The following DOC2A variants were observed in gnomAD, a reference collection of about 807,000 sequenced individuals.
DOC2A encodes the protein double C2-like domain-containing protein alpha.
In DOC2A, 28 loss-of-function variants were observed where a neutral mutation model predicts 40.6. That is an observed-to-expected ratio of 0.69 (90% CI 0.51 to 0.95). The LOEUF is 0.95. Among genes scored for constraint, DOC2A ranks in the 40% least tolerant of loss-of-function variants. The pLI is 0.00. For missense variants in DOC2A, 474 were observed against 552.5 expected, an observed-to-expected ratio of 0.86 and a Z score of 1.42; for synonymous variants, 241 against 236.9, an observed-to-expected ratio of 1.02 and a Z score of -0.16.
At chr16:30,013,078 G>C (rs2070810757), upstream of DOC2A, among the ~76,000 whole-genome samples, 1 of 150,734 alleles carries the variant, frequency 6.6e-6, no homozygotes, top group African/African-American at 2.4e-5. Context: ...GTCTGGGCTG[G>C]GGGGAAGCTG....
In DOC2A at chr16:30,009,384, C is replaced by T. The variant is rs780869467; in HGVS notation, c.342+94G>A. On this transcript the variant is annotated intron_variant, in intron 3 of 10. Coordinates refer to ENST00000350119, the MANE Select transcript of DOC2A (RefSeq NM_003586.3). The surrounding 1 kb of genome is among the most constrained non-coding windows in gnomAD (Gnocchi z 4.1). ...CCAGAAGGAGGGGGCAAGGGCAGGACGAAGGAGCAGGCCTGGGAAGGGAAG... is the reference window on the plus strand; with the variant it reads ...CCAGAAGGAGGGGGCAAGGGCAGGATGAAGGAGCAGGCCTGGGAAGGGAAG... The T allele has an allele frequency of 2.8e-5, 42 of 1,494,130 alleles. No homozygotes were observed. The highest frequency in any genetic ancestry group is 4.2e-5 in the African/African-American group (3 of 71,730). 92.6% of individuals were successfully genotyped at this position (1,494,130 alleles called of 1,614,324 possible). A position where few individuals can be genotyped will look rare whatever the true frequency, so the allele number is the denominator to read the frequency against.
intron 5 of DOC2A, chr16:30,007,613 C>T (rs2070657291): frequency 3.0e-5 from 13 of 436,190 alleles, no homozygotes; most frequent in South Asian, 2.7e-4. Context: ...TGGCCATAGA[C>T]ACAGGCCGTG....
At chr16:30,008,890 A>G in intron 5 of DOC2A, 106 bp downstream of exon 5, 2 of 812,592 alleles carry the variant, frequency 2.5e-6, no homozygotes, top group African/African-American at 1.7e-5. Context: ...ATGGTTCTTG[A>G]GCATCAGAGA....
chr16:30,006,164 G>A lies in DOC2A; in HGVS notation c.*22C>T, dbSNP rs765708344. The A allele has an allele frequency of 3.2e-6, 5 of 1,564,196 alleles. No individual in the cohort carries two copies. The highest frequency in any genetic ancestry group is 3.8e-5 in the Admixed American group (2 of 52,778). ...GTACTGGACCCGGCTCGATGGGCCTGTGCCGGGACACTGCTGTCCACTCAG... is the reference window on the plus strand; with the variant it reads ...GTACTGGACCCGGCTCGATGGGCCTATGCCGGGACACTGCTGTCCACTCAG... On this transcript the variant is annotated 3_prime_UTR_variant, in exon 11 of 11. Transcript: ENST00000350119. This position sits in a 1 kb window ranked among gnomAD's most constrained non-coding sequence, Gnocchi z 6.2.
chr16:30,021,417 T>C (rs1359579059), upstream of DOC2A: 1 of 149,760 alleles, frequency 6.7e-6, no homozygotes, highest in Non-Finnish European at 1.5e-5. Flanking sequence ...GCCGCAGGAG[T>C]GGAAATGGCT....
In DOC2A at chr16:30,009,864, A is replaced by T. The variant is rs2070726160; in HGVS notation, c.262+97T>A. On this transcript the variant is annotated intron_variant, in intron 2 of 10. Transcript: ENST00000350119. This position sits in a 1 kb window ranked among gnomAD's most constrained non-coding sequence, Gnocchi z 4.1. ...CCCCCACTGCCCTCCTCCCCTACCT[A>T]CATGCACAGCCAGCAGGGCCCATCC... is the stretch of plus-strand genomic sequence containing the variant. 2 of 1,351,776 alleles carry T rather than the reference A, an allele frequency of 1.5e-6. No homozygotes were observed. The highest frequency in any genetic ancestry group is 2.9e-5 in the African/African-American group (2 of 68,232). The allele number at this position is 1,351,776 out of a possible 1,614,324, so 83.7% of individuals were successfully genotyped here.
In DOC2A at chr16:30,009,664, A is replaced by T; in HGVS notation, c.263-107T>A. ...TGTCTCTCTCTCTTGCCAGCCCGCG[A>T]GTGTGAGTGCAAGAGGCTGAGTGGG... is the stretch of plus-strand genomic sequence containing the variant. On this transcript the variant is annotated intron_variant, in intron 2 of 10. Transcript: ENST00000350119. The surrounding 1 kb of genome is among the most constrained non-coding windows in gnomAD (Gnocchi z 4.1). The T allele has an allele frequency of 9.0e-7, 1 of 1,108,896 alleles. No homozygotes were observed. The highest frequency in any genetic ancestry group is 1.3e-5 in the South Asian group (1 of 74,984). The allele number at this position is 1,108,896 out of a possible 1,614,324, so 68.7% of individuals were successfully genotyped here.
chr16:30,005,958 G>T lies in DOC2A; in HGVS notation c.*228C>A. On this transcript the variant is annotated 3_prime_UTR_variant, in exon 11 of 11. Coordinates refer to ENST00000350119, the MANE Select transcript of DOC2A (RefSeq NM_003586.3). The stretch of plus-strand genomic sequence containing the variant: ...GCACTGCCCGGGTGTGCAGATGATG[G>T]GGGGTTTGCATATTTGCAGGGACTA... 3.3e-6 allele frequency: 2 copies of T among 604,330 alleles called. No individual in the cohort carries two copies. Among genetic ancestry groups the T allele is most frequent in the Non-Finnish European group, 5.8e-6 (2 of 345,888 alleles). 37.4% of individuals were successfully genotyped at this position (604,330 alleles called of 1,614,324 possible).
chr16:30,011,382 ACCAGGAAGCAGCCG>A (rs1177304194), upstream of DOC2A: 1 of 984,700 alleles, frequency 1.0e-6, no homozygotes, highest in Non-Finnish European at 1.2e-6. Flanking sequence ...TCCCTGCGCC[ACCAGGAAGCAGCCG>A]CCAGAATCGC....
chr16:30,020,564 T>C (rs1252339904), intron 1 of DOC2A, among the ~76,000 whole-genome samples: 4 of 151,262 alleles, frequency 2.6e-5, no homozygotes, highest in Non-Finnish European at 5.9e-5. Context: ...AGAAGTAGGC[T>C]GGGCGCAGTC....
At position 30,006,305 on chromosome 16, in the gene DOC2A, G is replaced by GGGCACCTGGCCCCAGGGACAC. The variant is rs776765147; in HGVS notation, c.1063_1083dup (p.Val355_Ala361dup). On this transcript the variant is annotated inframe_insertion, in exon 11 of 11. Coordinates refer to ENST00000350119, the MANE Select transcript of DOC2A (RefSeq NM_003586.3). The surrounding 1 kb of genome is among the most constrained non-coding windows in gnomAD (Gnocchi z 6.2). ...CTCCAGTGCTTCCGAGCCTCGCCTC[G>GGGCACCTGGCCCCAGGGACAC]GGCACCTGGCCCCAGGGACACGCCA... 3 of 1,611,078 alleles carry GGGCACCTGGCCCCAGGGACAC rather than the reference G, an allele frequency of 1.9e-6. No individual in the cohort carries two copies.
upstream of DOC2A, among the ~76,000 whole-genome samples, chr16:30,017,215 G>A (rs2070863117): frequency 6.6e-6 from 1 of 151,456 alleles, no homozygotes; most frequent in Middle Eastern, 3.2e-3. Context: ...GGAGTTTGAG[G>A]CTGCAGTGAG....
upstream of DOC2A, among the ~76,000 whole-genome samples, chr16:30,014,172 C>CTTTTTT (rs772684029): frequency 2.3e-5 from 3 of 131,886 alleles, 1 homozygote; most frequent in Non-Finnish European, 3.1e-5. Flanking sequence ...TTAGAATCAT[C>CTTTTTT]TTTTTTTTTT....
Position 30,009,901 on chromosome 16 carries a change from C to G in DOC2A, c.262+60G>C, listed in dbSNP as rs560426366. 26 of 1,605,486 alleles carry G rather than the reference C, an allele frequency of 1.6e-5. No homozygotes were observed. The African/African-American group carries it at 2.8e-4, about 17-fold the overall frequency. On this transcript the variant is annotated intron_variant, in intron 2 of 10. Coordinates refer to ENST00000350119, the MANE Select transcript of DOC2A (RefSeq NM_003586.3). This position sits in a 1 kb window ranked among gnomAD's most constrained non-coding sequence, Gnocchi z 4.1. ...AGCAGGGCCCATCCCCCTCTCCCCC[C>G]ACCACGGCAAGCCTGGAGACCCCCA...
At chr16:30,017,652 G>A (rs1567288432) in intron 1 of DOC2A, among the ~76,000 whole-genome samples, 1 of 152,044 alleles carries the variant, frequency 6.6e-6, no homozygotes, top group Non-Finnish European at 1.5e-5. Context: ...GGGAGGGAGG[G>A]AAAGAGTCGA....
chr16:30,015,937 C>T (rs1387307386), upstream of DOC2A, among the ~76,000 whole-genome samples: 13 of 143,036 alleles, frequency 9.1e-5, no homozygotes, highest in African/African-American at 2.9e-4. Context: ...GTTTCAAACT[C>T]CTGGCCTCAA....
intron 1 of DOC2A, among the ~76,000 whole-genome samples, chr16:30,017,914 C>G (rs1347237420): frequency 6.8e-6 from 1 of 148,092 alleles, no homozygotes; most frequent in African/African-American, 2.5e-5. Flanking sequence ...GAGCTGAGAT[C>G]GTGCCACTGC....
In DOC2A at chr16:30,010,846, G is replaced by A; in HGVS notation, c.-14+57C>T. 2.0e-6 allele frequency: 2 copies of A among 985,438 alleles called. No individual in the cohort carries two copies. The highest frequency in any genetic ancestry group is 2.4e-6 in the Non-Finnish European group (2 of 824,858). The allele number at this position is 985,438 out of a possible 1,614,324, so 61.0% of individuals were successfully genotyped here. A position where few individuals can be genotyped will look rare whatever the true frequency, so the allele number is the denominator to read the frequency against. On this transcript the variant is annotated intron_variant, in intron 1 of 10. Transcript: ENST00000350119. The surrounding 1 kb of genome is among the most constrained non-coding windows in gnomAD (Gnocchi z 4.2). ...CCGAACACCCCCGTAGCGCACACAG[G>A]CTGGCACGCTTCCCCGCACCCTCAC...
In DOC2A at chr16:30,009,526, G is replaced by A. The variant is rs527517415; in HGVS notation, c.294C>T (p.Leu98=). Reference sequence around the variant, plus strand: ...GCAGAGTGCAGGAGGCCCGGTCGTAGAGAAGGTCAAACTCCAGCGTGCCTA... The same window carrying A: ...GCAGAGTGCAGGAGGCCCGGTCGTAAAGAAGGTCAAACTCCAGCGTGCCTA... ...TALGTLEFDL[L]YDRASCTLHC... The change falls in exon 3 of 11, where the codon CTC becomes CTT. Residue 98 remains leucine (L), a synonymous_variant. Transcript: ENST00000350119. This position sits in a 1 kb window ranked among gnomAD's most constrained non-coding sequence, Gnocchi z 4.1. 4.5e-6 allele frequency: 7 copies of A among 1,551,562 alleles called. No homozygotes were observed. The South Asian group carries it at 7.1e-5, about 16-fold the overall frequency.
Sources: allele counts gnomAD v4.1 joint callset (sites outside exome capture counted in the v4.1 genomes callset), GRCh38; gene constraint gnomAD v4.1.1; non-coding constraint Gnocchi (gnomAD v3.1); transcripts MANE v1.5; gene names NCBI Gene and HGNC (gene_info 2026-07-23, HGNC 2026-07-21).